Variants in SPATS2 observed in about 807,000 individuals in gnomAD.
SPATS2 encodes spermatogenesis associated serine rich 2, also known as spermatogenesis-associated serine-rich protein 2.
SPATS2 carries 38 observed loss-of-function variants against 63.7 expected under a neutral mutation model. That is an observed-to-expected ratio of 0.60 (90% CI 0.46 to 0.78). The LOEUF (loss-of-function observed/expected upper bound fraction) is 0.78, where lower values mean the gene tolerates loss of function less well. Ranked by LOEUF, SPATS2 falls within the 30% of genes least tolerant of loss-of-function variation. SPATS2 has a pLI of 0.00. For missense variants in SPATS2, 588 were observed against 666.2 expected (o/e 0.88, Z 1.29); for synonymous variants, 207 against 232.9 (o/e 0.89, Z 1.01).
chr12:49,524,624 C>T (rs1302222046), intron 12 of SPATS2, 58 bp from the exon 13 acceptor site: 31 of 1,544,386 alleles, frequency 2.0e-5, no homozygotes, highest in Non-Finnish European at 2.8e-5. Context: ...AAAGTAGAAA[C>T]CTTATCCATT....
intron 2 of SPATS2, among the ~76,000 whole-genome samples, chr12:49,429,372 T>A (rs1327563359): frequency 2.0e-5 from 3 of 152,184 alleles, no homozygotes; most frequent in African/African-American, 7.2e-5. Flanking sequence ...AGTAGAAAAT[T>A]GGTGCCAGTG....
At chr12:49,408,552 C>CTTTTT (rs772842153) in intron 2 of SPATS2, among the ~76,000 whole-genome samples, 5 of 116,064 alleles carry the variant, frequency 4.3e-5, no homozygotes, top group Non-Finnish European at 7.1e-5. Context: ...TGTGCCTGGC[C>CTTTTT]TTTTTTTTTT....
At chr12:49,518,645 A>G (rs186776227) in intron 10 of SPATS2, among the ~76,000 whole-genome samples, 6 of 152,382 alleles carry the variant, frequency 3.9e-5, no homozygotes, top group Admixed American at 3.3e-4. Flanking sequence ...TTGTATGTAC[A>G]TACACAATAT....
At chr12:49,478,001 G>T (rs956495460) in intron 3 of SPATS2, among the ~76,000 whole-genome samples, 2 of 141,886 alleles carry the variant, frequency 1.4e-5, no homozygotes, top group African/African-American at 5.3e-5. Context: ...TTGAGACAGG[G>T]TCTTGCTCTG....
chr12:49,453,301 A>T (rs1945658717), intron 2 of SPATS2, among the ~76,000 whole-genome samples: 1 of 152,100 alleles, frequency 6.6e-6, no homozygotes, highest in African/African-American at 2.4e-5. Flanking sequence ...ATATCTCATA[A>T]CTTTTTGTTG....
chr12:49,375,436 G>T (rs1398387161), intron 2 of SPATS2, among the ~76,000 whole-genome samples: 1 of 152,166 alleles, frequency 6.6e-6, no homozygotes, highest in Non-Finnish European at 1.5e-5. Context: ...GCTACCCTCT[G>T]TAGTTGAGCA....
In SPATS2 at chr12:49,478,079, A is replaced by T. The variant is rs12819350; in HGVS notation, c.26-6511A>T. 1.8e-4 allele frequency among the ~76,000 whole-genome samples: 27 copies of T among 150,814 alleles called. 1 individual carries two copies. The highest frequency in any genetic ancestry group is 2.9e-5 in the Non-Finnish European group (2 of 67,840). ...AACCTCAGACTCCTGGGCTCAAGCA[A>T]TCCTCTTGCCTCAGCCTCCCAACTA... On this transcript the variant is annotated intron_variant, in intron 3 of 13. Coordinates refer to ENST00000552918, the MANE Select transcript of SPATS2 (RefSeq NM_023071.4).
At position 49,524,808 on chromosome 12, in the gene SPATS2, C is replaced by G. The variant is rs568672237; in HGVS notation, c.1238C>G (p.Thr413Arg). ...ACCTGTGCCTCTCCTCCCAGCCTTA[C>G]AAGTGCTAACAAGAAAAACTTTGCA... ...SSTCASPPSL[T>R]SANKKNFAPG... The change falls in exon 13 of 14, where the codon ACA becomes AGA. Residue 413 changes from threonine to arginine, a missense_variant. Coordinates refer to ENST00000552918, the MANE Select transcript of SPATS2 (RefSeq NM_023071.4). The G allele has an allele frequency of 1.2e-6, 2 of 1,614,136 alleles. No individual in the cohort carries two copies. Among genetic ancestry groups the G allele is most frequent in the Non-Finnish European group, 1.7e-6 (2 of 1,180,030 alleles).
chr12:49,389,478 C>G (rs1944381493), intron 2 of SPATS2: 1 of 773,288 alleles, frequency 1.3e-6, no homozygotes, highest in Non-Finnish European at 2.3e-6. Context: ...CCACAGCTGA[C>G]GGCTGCGAGG....
chr12:49,448,418 C>T (rs994064308), intron 2 of SPATS2, among the ~76,000 whole-genome samples: 3 of 151,922 alleles, frequency 2.0e-5, no homozygotes, highest in Non-Finnish European at 2.9e-5. Flanking sequence ...GGATTACAGG[C>T]GTGAGCCACC....
chr12:49,513,498 CTT>C (rs896242665), intron 9 of SPATS2, among the ~76,000 whole-genome samples: 5 of 152,022 alleles, frequency 3.3e-5, no homozygotes, highest in Admixed American at 6.6e-5. Context: ...GCTGTGGGCT[CTT>C]TTATAACAAC....
At chr12:49,450,917 A>T (rs1438876002) in intron 2 of SPATS2, among the ~76,000 whole-genome samples, 1 of 148,748 alleles carries the variant, frequency 6.7e-6, no homozygotes, top group Non-Finnish European at 1.5e-5. Context: ...TGCTCAGGCT[A>T]GAGTGCAGTT....
intron 3 of SPATS2, among the ~76,000 whole-genome samples, chr12:49,483,509 G>A (rs922664902): frequency 1.3e-5 from 2 of 152,098 alleles, no homozygotes; most frequent in African/African-American, 2.4e-5. Flanking sequence ...AGTGTTACCC[G>A]ATTTTTCATT....
chr12:49,455,654 T>A (rs1015567192), intron 2 of SPATS2, among the ~76,000 whole-genome samples: 1 of 151,744 alleles, frequency 6.6e-6, no homozygotes, highest in African/African-American at 2.4e-5. Context: ...CAGGGTCTCA[T>A]TCCGTTGCTT....
At chr12:49,405,360 A>C (rs1944676105) in intron 2 of SPATS2, among the ~76,000 whole-genome samples, 1 of 152,080 alleles carries the variant, frequency 6.6e-6, no homozygotes, top group Non-Finnish European at 1.5e-5. Context: ...TACTGATCAC[A>C]TTGTGTTATA....
At chr12:49,417,772 C>G (rs147623423) in intron 2 of SPATS2, among the ~76,000 whole-genome samples, 261 of 152,332 alleles carry the variant, frequency 1.7e-3, no homozygotes, top group East Asian at 0.017. Flanking sequence ...TACAACACTT[C>G]TGGGAAGAAG....
rs970858444 is a variant in SPATS2 at position 49,408,252 on chromosome 12, C to T, written c.-244+36962C>T. Among the ~76,000 whole-genome samples, 72 of 137,104 alleles carry T rather than the reference C, an allele frequency of 5.3e-4. No homozygotes were observed. In the South Asian group the frequency reaches 0.013, roughly 24 times the overall value. 89.9% of individuals were successfully genotyped at this position (137,104 alleles called of 152,430 possible). A position where few individuals can be genotyped will look rare whatever the true frequency, so the allele number is the denominator to read the frequency against. On this transcript the variant is annotated intron_variant, in intron 2 of 13. Transcript: ENST00000552918. ...CTAATTTGGAGATGATAGTATTCTT[C>T]TTTTTTTTTTTTTTTTTGAGACAGA... is the stretch of plus-strand genomic sequence containing the variant.
chr12:49,466,011 C>CTT (rs750603483), intron 3 of SPATS2, among the ~76,000 whole-genome samples: 7 of 139,628 alleles, frequency 5.0e-5, no homozygotes, highest in Non-Finnish European at 9.4e-5. Flanking sequence ...CCCAATTTAT[C>CTT]TTTTTTTTTT....
At chr12:49,385,537 A>G (rs1377682749) in intron 2 of SPATS2, among the ~76,000 whole-genome samples, 4 of 152,096 alleles carry the variant, frequency 2.6e-5, no homozygotes, top group African/African-American at 9.7e-5. Context: ...TCCAATTCCT[A>G]TTGATTTAAT....
Sources: allele counts gnomAD v4.1 joint callset (sites outside exome capture counted in the v4.1 genomes callset), GRCh38; gene constraint gnomAD v4.1.1; transcripts MANE v1.5; gene names NCBI Gene and HGNC (gene_info 2026-07-23, HGNC 2026-07-21).